Variants in EXOSC10 observed in about 807,000 individuals in gnomAD.
The protein encoded by EXOSC10 is exosome component 10.
Under a neutral mutation model 126.6 loss-of-function variants are expected in EXOSC10, and 94 were observed. That is an observed-to-expected ratio of 0.74 (90% CI 0.63 to 0.88). The LOEUF is 0.88. Ranked by LOEUF, EXOSC10 falls within the 40% of genes least tolerant of loss-of-function variation. The pLI, the probability that EXOSC10 is intolerant of heterozygous loss-of-function variation, is 0.00. For missense variants in EXOSC10, 1,041 were observed against 1,100.5 expected, an observed-to-expected ratio of 0.95 and a Z score of 0.77; for synonymous variants, 395 against 400.8, an observed-to-expected ratio of 0.99 and a Z score of 0.17.
chr1:11,073,669 C>T (rs895988846), intron 19 of EXOSC10, among the ~76,000 whole-genome samples: 3 of 151,890 alleles, frequency 2.0e-5, no homozygotes, highest in East Asian at 2.0e-4. Context: ...GCGGGTGGAT[C>T]ACCTGAGGTC....
chr1:11,096,897 G>A (rs1223736349), intron 2 of EXOSC10, among the ~76,000 whole-genome samples: 1 of 151,984 alleles, frequency 6.6e-6, no homozygotes, highest in East Asian at 1.9e-4. Flanking sequence ...GGCCAACATG[G>A]TGAAACCCCA....
intron 17 of EXOSC10, among the ~76,000 whole-genome samples, chr1:11,075,458 A>T (rs1424685280): frequency 1.3e-5 from 2 of 152,200 alleles, no homozygotes; most frequent in Non-Finnish European, 2.9e-5. Flanking sequence ...GAGTGCAGGG[A>T]GACCACAGCC....
At chr1:11,088,897 T>TA (rs1200051655) in intron 6 of EXOSC10, among the ~76,000 whole-genome samples, 3 of 152,128 alleles carry the variant, frequency 2.0e-5, no homozygotes, top group East Asian at 3.8e-4. Context: ...ATATTGCCAG[T>TA]AAAAAATGCC....
At chr1:11,070,251 TTTTAAAA>T (rs1381483546) in intron 21 of EXOSC10, among the ~76,000 whole-genome samples, 17 of 135,710 alleles carry the variant, frequency 1.3e-4, no homozygotes, top group Non-Finnish European at 2.4e-4. Flanking sequence ...ACTATTTTTT[TTTTAAAA>T]GGAAATTAAA....
intron 3 of EXOSC10, among the ~76,000 whole-genome samples, chr1:11,093,247 C>G (rs866893924): frequency 3.3e-5 from 5 of 152,272 alleles, no homozygotes; most frequent in Middle Eastern, 3.4e-3. Flanking sequence ...TATGATTTAA[C>G]AGTGTAATGT....
rs375230802 is a variant in EXOSC10 at position 11,071,086 on chromosome 1, T to C, written c.2243-113A>G. On this transcript the variant is annotated intron_variant, in intron 20 of 24. Coordinates refer to ENST00000376936, the MANE Select transcript of EXOSC10 (RefSeq NM_001001998.3). ...CACAGGGGTTGTCACGGCTGATTCC[T>C]CCTCCCTCTCAGGTCCCCGGTCCCC... 161 of 882,978 alleles carry C rather than the reference T, an allele frequency of 1.8e-4. 1 individual carries two copies. In the African/African-American group the frequency reaches 2.2e-3, roughly 12 times the overall value. The allele number at this position is 882,978 out of a possible 1,614,324, so 54.7% of individuals were successfully genotyped here. A position where few individuals can be genotyped will look rare whatever the true frequency, so the allele number is the denominator to read the frequency against.
At chr1:11,070,870 A>G in intron 21 of EXOSC10, 30 bp downstream of exon 21, 1 of 1,599,486 alleles carries the variant, frequency 6.3e-7, no homozygotes, top group Non-Finnish European at 8.6e-7. Flanking sequence ...ATCGTTTTTC[A>G]AAGGAAAAAG....
Position 11,072,087 on chromosome 1 carries a change from C to T in EXOSC10, c.2242G>A (p.Ala748Thr), listed in dbSNP as rs1341115066. Residue 748 changes from alanine to threonine, a missense_variant and splice_region_variant, in exon 20 of 25, where the codon GCT becomes ACT. Transcript: ENST00000376936. ...TGAGTTGCAAGGAAGTGAGTGTTAC[C>T]TGTTTGCTCAGCTGCCTTCTTCTTG... ...AVKKKAAEQT[A>T]AREQAKEACK... The T allele has an allele frequency of 6.2e-7, 1 of 1,612,258 alleles. No homozygotes were observed. The highest frequency in any genetic ancestry group is 1.7e-5 in the Admixed American group (1 of 59,632).
intron 6 of EXOSC10, among the ~76,000 whole-genome samples, chr1:11,089,996 C>CTTTTT (rs70977545): frequency 9.4e-6 from 1 of 106,494 alleles, no homozygotes; most frequent in East Asian, 2.7e-4. Flanking sequence ...GCTTTTACAT[C>CTTTTT]TTTTTTTTTT....
chr1:11,099,604 C>G (rs1641317456), intron 1 of EXOSC10, 117 bp downstream of exon 1: 2 of 1,203,790 alleles, frequency 1.7e-6, no homozygotes, highest in Non-Finnish European at 2.3e-6. Flanking sequence ...GGACAGGGGC[C>G]CCGCGACCCT....
rs70977546 is a variant in EXOSC10, at chr1:11,096,471, CTTTTTTTTTT to C, written c.249-600_249-591del. On this transcript the variant is annotated intron_variant, in intron 2 of 24. Coordinates refer to ENST00000376936, the MANE Select transcript of EXOSC10 (RefSeq NM_001001998.3). ...AGCCTTTTTCTTTCTTTCTTTCTTT[CTTTTTTTTTT>C]TTTTTTTTTTAAAGAGACAGGGTCT... Among the ~76,000 whole-genome samples, 9 of 118,800 alleles carry C rather than the reference CTTTTTTTTTT, an allele frequency of 7.6e-5. No homozygotes were observed. In the South Asian group the frequency reaches 2.7e-3, roughly 35 times the overall value. 77.9% of individuals were successfully genotyped at this position (118,800 alleles called of 152,430 possible). A position where few individuals can be genotyped will look rare whatever the true frequency, so the allele number is the denominator to read the frequency against.
Position 11,072,106 on chromosome 1 carries a change from C to T in EXOSC10, c.2223G>A (p.Lys741=). ...VQKDSKEAVK[K]KAAEQTAARE... ...TGTTACCTGTTTGCTCAGCTGCCTTCTTCTTGACAGCTTCTTTAGAGTCTT... is the reference window on the plus strand; with the variant it reads ...TGTTACCTGTTTGCTCAGCTGCCTTTTTCTTGACAGCTTCTTTAGAGTCTT... Residue 741 remains lysine (K), a synonymous_variant, in exon 20 of 25, where the codon AAG becomes AAA. Transcript: ENST00000376936. 1 of 1,613,858 alleles carries T rather than the reference C, an allele frequency of 6.2e-7. No homozygotes were observed. Among genetic ancestry groups the T allele is most frequent in the Non-Finnish European group, 8.5e-7 (1 of 1,179,890 alleles).
intron 9 of EXOSC10, among the ~76,000 whole-genome samples, chr1:11,085,889 T>C (rs1477324113): frequency 6.6e-6 from 1 of 152,266 alleles, no homozygotes; most frequent in Non-Finnish European, 1.5e-5. Flanking sequence ...CACGTGGTTT[T>C]TGTCTTTGGT....
intron 10 of EXOSC10, 88 bp downstream of exon 10, chr1:11,082,600 G>A: frequency 1.3e-6 from 2 of 1,569,420 alleles, no homozygotes; most frequent in Non-Finnish European, 1.7e-6. Context: ...AGCGTGGTAG[G>A]GCTCAAACCC....
At chr1:11,089,902 C>A (rs867619487) in intron 6 of EXOSC10, among the ~76,000 whole-genome samples, 7 of 152,084 alleles carry the variant, frequency 4.6e-5, no homozygotes, top group Admixed American at 3.3e-4. Context: ...TGTGTTCATG[C>A]CACCACACTC....
chr1:11,084,764 C>T (rs992920170), intron 9 of EXOSC10, among the ~76,000 whole-genome samples: 3 of 152,086 alleles, frequency 2.0e-5, no homozygotes, highest in Admixed American at 6.6e-5. Flanking sequence ...TTAGGTCTAA[C>T]GTTGTTAAGT....
chr1:11,078,260 G>GTTTTTTTTTTTT (rs1639934471), intron 14 of EXOSC10, among the ~76,000 whole-genome samples: 1 of 148,250 alleles, frequency 6.7e-6, no homozygotes, highest in African/African-American at 2.6e-5. Flanking sequence ...GCAAGACCCT[G>GTTTTTTTTTTTT]TTTCTTTTTT....
intron 9 of EXOSC10, among the ~76,000 whole-genome samples, chr1:11,085,920 C>T (rs897087906): frequency 4.6e-5 from 7 of 152,180 alleles, no homozygotes; most frequent in African/African-American, 1.7e-4. Context: ...CGCTGCATTA[C>T]ATTTATTGAT....
chr1:11,090,910 A>C (rs1323758289), intron 5 of EXOSC10, 104 bp downstream of exon 5: 10 of 1,188,926 alleles, frequency 8.4e-6, no homozygotes, highest in Non-Finnish European at 9.6e-6. Flanking sequence ...TGAACAAAGG[A>C]GGGTGGGCTC....
Sources: allele counts gnomAD v4.1 joint callset (sites outside exome capture counted in the v4.1 genomes callset), GRCh38; gene constraint gnomAD v4.1.1; transcripts MANE v1.5; gene names NCBI Gene and HGNC (gene_info 2026-07-23, HGNC 2026-07-21).